Variants in SGCD observed in about 807,000 individuals in gnomAD.
SGCD encodes delta-sarcoglycan.
In SGCD, 18 loss-of-function variants were observed where a neutral mutation model predicts 36.6. The ratio of observed to expected loss-of-function variants is 0.49; its 90% CI spans 0.34 to 0.73. SGCD has a LOEUF of 0.73. Ranked by LOEUF, SGCD falls within the 30% of genes least tolerant of loss-of-function variation. The probability of loss-of-function intolerance (pLI) is 0.01; values close to 1 mark genes in which losing one functional copy is unlikely to be tolerated. For synonymous variants in SGCD, 133 were observed against 130.6 expected (o/e 1.02, Z -0.12); for missense variants, 387 against 346.7 (o/e 1.12, Z -0.92).
At chr5:155,964,699 G>A (rs920609488) in intron 1 of SGCD, among the ~76,000 whole-genome samples, 2 of 152,034 alleles carry the variant, frequency 1.3e-5, no homozygotes, top group Non-Finnish European at 2.9e-5. Context: ...GGCATCCAAG[G>A]AGGACTAAGA....
intron 3 of SGCD, among the ~76,000 whole-genome samples, chr5:156,297,829 G>C (rs1325416159): frequency 6.9e-6 from 1 of 145,020 alleles, no homozygotes; most frequent in African/African-American, 2.5e-5. Flanking sequence ...TAAATAAATT[G>C]CTGACTATAG....
At chr5:156,563,300 C>G (rs909471495) in intron 4 of SGCD, among the ~76,000 whole-genome samples, 16 of 152,014 alleles carry the variant, frequency 1.1e-4, no homozygotes, top group African/African-American at 3.9e-4. Flanking sequence ...ATTATTAACA[C>G]TCTTAAGTAG....
At chr5:155,868,360 CTT>C (rs10532701), upstream of SGCD, among the ~76,000 whole-genome samples, 45,288 of 109,930 alleles carry the variant, frequency 0.41, 8,550 homozygotes, top group Admixed American at 0.52. Flanking sequence ...CCCTTTTTTT[CTT>C]TTTTTTTTTT....
At chr5:156,262,711 C>CA (rs1211055792) in intron 3 of SGCD, among the ~76,000 whole-genome samples, 1 of 151,988 alleles carries the variant, frequency 6.6e-6, no homozygotes, top group Non-Finnish European at 1.5e-5. Flanking sequence ...CCCAAGTCCC[C>CA]AAAGTCCACT....
chr5:156,239,423 T>C (rs1353115768), intron 3 of SGCD, among the ~76,000 whole-genome samples: 1 of 119,068 alleles, frequency 8.4e-6, no homozygotes, highest in East Asian at 2.2e-4. Context: ...AAAAAAAAAT[T>C]AGATTTGGTC....
chr5:156,581,750 G>T (rs12520121), intron 4 of SGCD, among the ~76,000 whole-genome samples: 3 of 152,150 alleles, frequency 2.0e-5, no homozygotes, highest in African/African-American at 7.2e-5. Context: ...ATAACCTCCC[G>T]GTGTGCCATT....
At chr5:156,388,369 A>G (rs1771387655) in intron 3 of SGCD, among the ~76,000 whole-genome samples, 1 of 152,238 alleles carries the variant, frequency 6.6e-6, no homozygotes. Flanking sequence ...AGGCAGAGTC[A>G]TTCAACGACC....
At chr5:155,790,940 T>C in the SGCD span, among the ~76,000 whole-genome samples, 1 of 152,150 alleles carries the variant, frequency 6.6e-6, no homozygotes, top group South Asian at 2.1e-4. Context: ...TGATGGACTT[T>C]ATTACATGCT....
intron 4 of SGCD, among the ~76,000 whole-genome samples, chr5:156,540,287 G>A (rs922680447): frequency 6.6e-6 from 1 of 152,062 alleles, no homozygotes; most frequent in Non-Finnish European, 1.5e-5. Context: ...GTGGTATGAA[G>A]CTATTATTAT....
Position 156,413,990 on chromosome 5 carries a change from A to G in SGCD, c.192+69313A>G, listed in dbSNP as rs144269216. 8.3e-3 allele frequency among the ~76,000 whole-genome samples: 1,265 copies of G among 152,324 alleles called. 9 individuals are homozygous for G. The highest frequency in any genetic ancestry group is 0.014 in the Middle Eastern group (4 of 294). On this transcript the variant is annotated intron_variant, in intron 3 of 8. Coordinates refer to ENST00000337851, the MANE Select transcript of SGCD (RefSeq NM_000337.6). The stretch of plus-strand genomic sequence containing the variant: ...GGTACAGAAGAGATAAAACTAACTC[A>G]TTTGAATTCAGGGAATGCACAGTTT...
At chr5:156,532,556 G>A (rs898457098) in intron 4 of SGCD, among the ~76,000 whole-genome samples, 6 of 152,142 alleles carry the variant, frequency 3.9e-5, no homozygotes, top group Non-Finnish European at 7.3e-5. Flanking sequence ...TGCCTCCTAG[G>A]TTCATGCCAT....
the SGCD span, among the ~76,000 whole-genome samples, chr5:155,754,475 A>G: frequency 6.6e-6 from 1 of 152,198 alleles, no homozygotes; most frequent in Non-Finnish European, 1.5e-5. Flanking sequence ...GCACAAAGGG[A>G]GAAGGTCTCC....
intron 3 of SGCD, among the ~76,000 whole-genome samples, chr5:156,189,350 A>T (rs13165703): frequency 0.25 from 38,660 of 152,076 alleles, 6,049 homozygotes; most frequent in Non-Finnish European, 0.34. Flanking sequence ...GCCAACTGTA[A>T]TGCTAAAAAA....
chr5:156,158,330 G>T (rs1281820034), intron 3 of SGCD, among the ~76,000 whole-genome samples: 1 of 151,596 alleles, frequency 6.6e-6, no homozygotes, highest in East Asian at 1.9e-4. Context: ...TTTTTTCTGT[G>T]AAGTCAAATC....
the SGCD span, among the ~76,000 whole-genome samples, chr5:155,807,205 C>T: frequency 2.6e-5 from 4 of 152,194 alleles, no homozygotes; most frequent in Non-Finnish European, 5.9e-5. Context: ...TACTAGTTCT[C>T]GTGGTTTAGC....
chr5:156,398,059 T>A (rs958324673), intron 3 of SGCD, among the ~76,000 whole-genome samples: 14 of 152,192 alleles, frequency 9.2e-5, no homozygotes, highest in African/African-American at 3.4e-4. Flanking sequence ...GCTGGATACA[T>A]CTCCCCTGAG....
chr5:156,701,218 C>G (rs1488609164), intron 7 of SGCD, among the ~76,000 whole-genome samples: 2 of 152,138 alleles, frequency 1.3e-5, no homozygotes, highest in Non-Finnish European at 2.9e-5. Context: ...TCTACCAAGC[C>G]TGATTTGCTA....
intron 7 of SGCD, among the ~76,000 whole-genome samples, chr5:156,708,984 T>C (rs1207969133): frequency 2.0e-5 from 3 of 151,980 alleles, no homozygotes; most frequent in Non-Finnish European, 4.4e-5. Context: ...TATATTCCTC[T>C]CCTCTCGGTA....
chr5:156,629,788 A>C (rs1762560612), intron 6 of SGCD, among the ~76,000 whole-genome samples: 1 of 151,392 alleles, frequency 6.6e-6, no homozygotes, highest in African/African-American at 2.4e-5. Context: ...ACAGGTAGTG[A>C]GACAAATTTG....
Sources: allele counts gnomAD v4.1 joint callset (sites outside exome capture counted in the v4.1 genomes callset), GRCh38; gene constraint gnomAD v4.1.1; transcripts MANE v1.5; gene names NCBI Gene and HGNC (gene_info 2026-07-23, HGNC 2026-07-21).